Variants in CNTN3 observed in about 807,000 individuals in gnomAD.
CNTN3 encodes contactin-3.
Under a neutral mutation model 119.1 loss-of-function variants are expected in CNTN3, and 60 were observed. The ratio of observed to expected loss-of-function variants is 0.50; its 90% CI spans 0.41 to 0.62. CNTN3 has a LOEUF of 0.62. CNTN3 is among the 20% of genes least tolerant of loss of function. CNTN3 has a pLI of 0.00. For synonymous variants in CNTN3, 450 were observed against 438.7 expected (o/e 1.03, Z -0.32); for missense variants, 1,101 against 1,242.4 (o/e 0.89, Z 1.71).
intron 17 of CNTN3, among the ~76,000 whole-genome samples, chr3:74,298,847 A>G (rs865800601): frequency 6.6e-6 from 1 of 150,816 alleles, no homozygotes; most frequent in Non-Finnish European, 1.5e-5. Context: ...CAATGAGCCG[A>G]TATCACGCCA....
chr3:74,330,926 ATGTG>A (rs1402514525), intron 13 of CNTN3, among the ~76,000 whole-genome samples: 1 of 152,202 alleles, frequency 6.6e-6, no homozygotes, highest in Admixed American at 6.5e-5. Context: ...TAGCTGTACA[ATGTG>A]TGTTTTAAGC....
chr3:74,271,624 T>G (rs1036198675), intron 20 of CNTN3, among the ~76,000 whole-genome samples: 8 of 152,212 alleles, frequency 5.3e-5, no homozygotes, highest in African/African-American at 1.9e-4. Context: ...TCAACTCTTT[T>G]TCTTGGCCAT....
intron 5 of CNTN3, among the ~76,000 whole-genome samples, chr3:74,420,709 T>C (rs1701602879): frequency 6.6e-6 from 1 of 152,200 alleles, no homozygotes; most frequent in Admixed American, 6.5e-5. Context: ...ATTTGGAGAA[T>C]GGCAACAGGG....
intron 1 of CNTN3, among the ~76,000 whole-genome samples, chr3:74,607,102 T>A (rs1559677125): frequency 6.6e-6 from 1 of 152,098 alleles, no homozygotes; most frequent in Non-Finnish European, 1.5e-5. Flanking sequence ...AGAGAAAAAT[T>A]AACCTGCCTC....
intron 16 of CNTN3, among the ~76,000 whole-genome samples, chr3:74,300,423 T>C (rs1243358496): frequency 6.6e-6 from 1 of 152,202 alleles, no homozygotes; most frequent in Non-Finnish European, 1.5e-5. Flanking sequence ...CACTGAGAAC[T>C]CTAGGCTTAG....
At chr3:74,613,269 C>CTTTTTTTTTCTTTT in intron 1 of CNTN3, among the ~76,000 whole-genome samples, 1 of 132,490 alleles carries the variant, frequency 7.5e-6, no homozygotes, top group African/African-American at 2.7e-5. Context: ...AGTCTTCCTA[C>CTTTTTTTTTCTTTT]TTTTTTTTTT....
At chr3:74,378,053 G>A (rs1255831413) in intron 5 of CNTN3, among the ~76,000 whole-genome samples, 1 of 152,134 alleles carries the variant, frequency 6.6e-6, no homozygotes, top group African/African-American at 2.4e-5. Context: ...ATGCCAACTG[G>A]GAAGTCTGAC....
intron 11 of CNTN3, 89 bp from the exon 12 acceptor site, chr3:74,336,747 T>C: frequency 9.3e-7 from 1 of 1,074,896 alleles, no homozygotes. Context: ...CATGTTGCCT[T>C]AAGCTAGTAT....
At position 74,497,194 on chromosome 3, in the gene CNTN3, T is replaced by C. The variant is rs186463368; in HGVS notation, c.182+2465A>G. 3.3e-4 allele frequency among the ~76,000 whole-genome samples: 50 copies of C among 152,064 alleles called. No homozygotes were observed. In the East Asian group the frequency reaches 8.7e-3, roughly 26 times the overall value. On this transcript the variant is annotated intron_variant, in intron 3 of 22. Coordinates refer to ENST00000263665, the MANE Select transcript of CNTN3 (RefSeq NM_020872.3). ...CTTCCTTTTTATGTCCTCGATGTCA[T>C]TATATATTTAGAGTATTTATTTGTG... is the stretch of plus-strand genomic sequence containing the variant.
intron 1 of CNTN3, among the ~76,000 whole-genome samples, chr3:74,589,327 A>AT (rs1453384168): frequency 6.6e-6 from 1 of 150,884 alleles, no homozygotes; most frequent in African/African-American, 2.4e-5. Context: ...AAAAGAAGAC[A>AT]TTTATGCAGC....
At chr3:74,482,603 C>A (rs543762551) in intron 4 of CNTN3, among the ~76,000 whole-genome samples, 18 of 152,142 alleles carry the variant, frequency 1.2e-4, no homozygotes, top group Middle Eastern at 3.4e-3. Context: ...TTCATTTACT[C>A]ATTTACCCAT....
chr3:74,392,472 G>A (rs1334311029), intron 5 of CNTN3, among the ~76,000 whole-genome samples: 1 of 151,776 alleles, frequency 6.6e-6, no homozygotes, highest in Non-Finnish European at 1.5e-5. Flanking sequence ...AATCGCTAAG[G>A]CTTTAGAACA....
intron 1 of CNTN3, among the ~76,000 whole-genome samples, chr3:74,544,303 C>G (rs957554299): frequency 2.0e-5 from 3 of 152,130 alleles, no homozygotes; most frequent in Non-Finnish European, 4.4e-5. Context: ...CTCTGAGAAA[C>G]TTTGAAGTTG....
chr3:74,473,870 G>C (rs1702608267), intron 4 of CNTN3, among the ~76,000 whole-genome samples: 1 of 152,176 alleles, frequency 6.6e-6, no homozygotes, highest in South Asian at 2.1e-4. Flanking sequence ...GTGCAGGGAA[G>C]AGGAAGGAGA....
chr3:74,610,049 T>G (rs1296415865), intron 1 of CNTN3, among the ~76,000 whole-genome samples: 1 of 152,018 alleles, frequency 6.6e-6, no homozygotes, highest in Non-Finnish European at 1.5e-5. Flanking sequence ...TGGGCCAGAC[T>G]CAGCGGCTCA....
intron 5 of CNTN3, among the ~76,000 whole-genome samples, chr3:74,395,629 C>T (rs1705028498): frequency 6.6e-6 from 1 of 152,182 alleles, no homozygotes; most frequent in African/African-American, 2.4e-5. Context: ...TGGGATAATA[C>T]TCCTTATTTC....
rs1040526378 is a variant in CNTN3 at position 74,583,357 on chromosome 3, T to C, written c.-81+31034A>G. ...GAATAAACGATTTATGATCTATCCC[T>C]AAAATGGAAAAGTTCTTAGTAATTA... On this transcript the variant is annotated intron_variant, in intron 1 of 22. Transcript: ENST00000263665. Among the ~76,000 whole-genome samples, 6 of 151,476 alleles carry C rather than the reference T, an allele frequency of 4.0e-5. No homozygotes were observed. The South Asian group carries it at 8.4e-4, about 21-fold the overall frequency.
At chr3:74,540,255 G>A (rs1190078524) in intron 1 of CNTN3, among the ~76,000 whole-genome samples, 1 of 152,134 alleles carries the variant, frequency 6.6e-6, no homozygotes, top group African/African-American at 2.4e-5. Context: ...GTGGGGGCAT[G>A]TGGAGAAGTG....
intron 5 of CNTN3, among the ~76,000 whole-genome samples, chr3:74,403,006 G>A (rs530129831): frequency 6.6e-6 from 1 of 152,296 alleles, no homozygotes; most frequent in African/African-American, 2.4e-5. Context: ...GAAATGAGAG[G>A]CATTGTGAGG....
Sources: gnomAD v4.1 joint callset for allele counts (sites outside exome capture counted in the v4.1 genomes callset) on GRCh38, gnomAD v4.1.1 for gene constraint, MANE v1.5 for transcripts, NCBI Gene and HGNC (gene_info 2026-07-23, HGNC 2026-07-21) for gene names.